The following NF1 variants were observed in gnomAD, a reference collection of about 807,000 sequenced individuals.
NF1 encodes the protein neurofibromin.
NF1 carries 122 observed loss-of-function variants against 325.7 expected under a neutral mutation model. That is an observed-to-expected ratio of 0.37 (90% CI 0.32 to 0.44). The LOEUF (loss-of-function observed/expected upper bound fraction) is 0.44, where lower values mean the gene tolerates loss of function less well. Ranked by LOEUF, NF1 falls within the 20% of genes least tolerant of loss-of-function variation. The probability of loss-of-function intolerance (pLI) is 1.00; values close to 1 mark genes in which losing one functional copy is unlikely to be tolerated. For synonymous variants in NF1, 1,091 were observed against 1,186.0 expected, an observed-to-expected ratio of 0.92 and a Z score of 1.65; for missense variants, 2,140 against 3,415.4, an observed-to-expected ratio of 0.63 and a Z score of 9.31.
intron 35 of NF1, among the ~76,000 whole-genome samples, chr17:31,263,429 A>C (rs2067729246): frequency 6.6e-6 from 1 of 151,694 alleles, no homozygotes; most frequent in African/African-American, 2.4e-5. Flanking sequence ...CTTGTCTATA[A>C]ATAAAGAAAT....
rs772320037 is a variant in NF1, at chr17:31,318,983, A to T, written c.4836-6837A>T. On this transcript the variant is annotated intron_variant, in intron 36 of 57. Coordinates refer to ENST00000358273, the MANE Select transcript of NF1 (RefSeq NM_001042492.3). ...GTCATCAGAAAGGCAAGATGTAGGT[A>T]ATGTCCTGTGTGTTCCATGTCCGTG... 6 of 1,611,850 alleles carry T rather than the reference A, an allele frequency of 3.7e-6. No homozygotes were observed. The highest frequency in any genetic ancestry group is 3.3e-5 in the Admixed American group (2 of 59,976).
intron 8 of NF1, among the ~76,000 whole-genome samples, chr17:31,194,104 C>T (rs758969236): frequency 1.4e-4 from 21 of 152,280 alleles, no homozygotes; most frequent in Middle Eastern, 3.4e-3. Flanking sequence ...TATTGCAGCA[C>T]TATTCACAAT....
At chr17:31,111,079 C>T (rs1394418476) in intron 1 of NF1, among the ~76,000 whole-genome samples, 3 of 151,944 alleles carry the variant, frequency 2.0e-5, no homozygotes. Context: ...TCACAAACCC[C>T]CCCATTAATA....
At chr17:31,140,842 C>A (rs1916155486) in intron 1 of NF1, among the ~76,000 whole-genome samples, 1 of 152,096 alleles carries the variant, frequency 6.6e-6, no homozygotes, top group African/African-American at 2.4e-5. Flanking sequence ...GTGAAATAGA[C>A]CACGCACAAA....
intron 1 of NF1, among the ~76,000 whole-genome samples, chr17:31,145,889 G>A (rs1916553385): frequency 6.6e-6 from 1 of 152,184 alleles, no homozygotes; most frequent in Non-Finnish European, 1.5e-5. Flanking sequence ...TATGAATTAA[G>A]CTTTGGAAAT....
At chr17:31,113,288 T>A (rs1377959476) in intron 1 of NF1, among the ~76,000 whole-genome samples, 1 of 152,222 alleles carries the variant, frequency 6.6e-6, no homozygotes, top group African/African-American at 2.4e-5. Flanking sequence ...TTTCTTTTTC[T>A]TTTTAAAGAC....
At chr17:31,263,691 T>G (rs1212270527) in intron 35 of NF1, among the ~76,000 whole-genome samples, 1 of 151,666 alleles carries the variant, frequency 6.6e-6, no homozygotes, top group Non-Finnish European at 1.5e-5. Context: ...TATCTGGTAC[T>G]TGTAAAGTAA....
In NF1 at chr17:31,222,183, G is replaced by A. The variant is rs879676918; in HGVS notation, c.1721+254G>A. ...ACCCTAACATAAGTACTGTTGTTTGGTATATTACTTTTTTCAGATTTCAAT... is the reference window on the plus strand; with the variant it reads ...ACCCTAACATAAGTACTGTTGTTTGATATATTACTTTTTTCAGATTTCAAT... On this transcript the variant is annotated intron_variant, in intron 15 of 57. Coordinates refer to ENST00000358273, the MANE Select transcript of NF1 (RefSeq NM_001042492.3). 5 of 1,164,878 alleles carry A rather than the reference G, an allele frequency of 4.3e-6. No homozygotes were observed. The African/African-American group carries it at 8.0e-5, about 19-fold the overall frequency. The allele number at this position is 1,164,878 out of a possible 1,614,324, so 72.2% of individuals were successfully genotyped here.
chr17:31,114,867 A>C (rs528844680), intron 1 of NF1, among the ~76,000 whole-genome samples: 167 of 152,292 alleles, frequency 1.1e-3, no homozygotes, highest in Middle Eastern at 6.8e-3. Flanking sequence ...AAAAGAAAAA[A>C]AAGAATACAA....
At chr17:31,293,804 A>G (rs2068402756) in intron 36 of NF1, among the ~76,000 whole-genome samples, 1 of 152,190 alleles carries the variant, frequency 6.6e-6, no homozygotes, top group African/African-American at 2.4e-5. Context: ...TTGCATTTTA[A>G]TCAATCCTGT....
chr17:31,219,364 T>C (rs2066882594), intron 14 of NF1: 1 of 220,790 alleles, frequency 4.5e-6, no homozygotes, highest in Non-Finnish European at 8.8e-6. Context: ...ATTTTCTAAT[T>C]GCAGTTGACT....
chr17:31,246,632 A>C (rs2067395914), intron 29 of NF1, among the ~76,000 whole-genome samples: 2 of 152,188 alleles, frequency 1.3e-5, no homozygotes, highest in African/African-American at 4.8e-5. Flanking sequence ...GAGTTTCATA[A>C]GGGGTGTATT....
At chr17:31,097,858 G>A (rs1271406513) in intron 1 of NF1, among the ~76,000 whole-genome samples, 1 of 151,994 alleles carries the variant, frequency 6.6e-6, no homozygotes, top group Non-Finnish European at 1.5e-5. Flanking sequence ...CATCGTGCCT[G>A]GCTAATTTTT....
At chr17:31,325,793 CTT>C (rs1386077381) in intron 36 of NF1, 25 bp from the exon 37 acceptor site, 1 of 1,575,608 alleles carries the variant, frequency 6.3e-7, no homozygotes, top group Admixed American at 1.7e-5. Flanking sequence ...TGCTAATAAT[CTT>C]TGTCTTTTTT....
intron 36 of NF1, among the ~76,000 whole-genome samples, chr17:31,298,180 A>C (rs2068504711): frequency 6.6e-6 from 1 of 152,124 alleles, no homozygotes; most frequent in Non-Finnish European, 1.5e-5. Context: ...TATAGTTTTA[A>C]AATTACATGA....
intron 5 of NF1, among the ~76,000 whole-genome samples, chr17:31,179,847 C>T (rs1160693087): frequency 1.3e-5 from 2 of 150,954 alleles, no homozygotes; most frequent in African/African-American, 2.4e-5. Context: ...AATAAATAGA[C>T]CACTAGCCAG....
At chr17:31,298,072 A>G (rs577077343) in intron 36 of NF1, among the ~76,000 whole-genome samples, 33 of 152,246 alleles carry the variant, frequency 2.2e-4, no homozygotes, top group African/African-American at 7.0e-4. Flanking sequence ...TTGGTGCTGT[A>G]TGAATGACCA....
intron 36 of NF1, among the ~76,000 whole-genome samples, chr17:31,312,396 A>G (rs934658649): frequency 3.3e-5 from 5 of 151,930 alleles, no homozygotes; most frequent in Non-Finnish European, 7.4e-5. Context: ...CTGTAATCCC[A>G]GCTACTCAGG....
At chr17:31,231,316 A>G (rs2067109059) in intron 24 of NF1, among the ~76,000 whole-genome samples, 1 of 152,080 alleles carries the variant, frequency 6.6e-6, no homozygotes, top group African/African-American at 2.4e-5. Flanking sequence ...CCAGAGACAG[A>G]AAAAAAAGGA....
Sources: gnomAD v4.1 joint callset for allele counts (sites outside exome capture counted in the v4.1 genomes callset) on GRCh38, gnomAD v4.1.1 for gene constraint, MANE v1.5 for transcripts, NCBI Gene and HGNC (gene_info 2026-07-23, HGNC 2026-07-21) for gene names.